The following ANK1 variants were observed in gnomAD, a reference collection of about 807,000 sequenced individuals.
The protein encoded by ANK1 is ankyrin-1.
In ANK1, 51 loss-of-function variants were observed where a neutral mutation model predicts 210.4. The ratio of observed to expected loss-of-function variants is 0.24; its 90% CI spans 0.19 to 0.31. ANK1 has a LOEUF of 0.31. Ranked by LOEUF, ANK1 falls within the 10% of genes least tolerant of loss-of-function variation. ANK1 has a pLI of 1.00. For synonymous variants in ANK1, 967 were observed against 1,025.9 expected, an observed-to-expected ratio of 0.94 and a Z score of 1.10; for missense variants, 2,051 against 2,504.4, an observed-to-expected ratio of 0.82 and a Z score of 3.86.
intron 1 of ANK1, among the ~76,000 whole-genome samples, chr8:41,834,347 A>T (rs561139681): frequency 2.0e-5 from 3 of 152,270 alleles, no homozygotes; most frequent in African/African-American, 7.2e-5. Context: ...AGGCAGGAGA[A>T]GATGAGCTTC....
intron 1 of ANK1, among the ~76,000 whole-genome samples, chr8:41,761,366 T>G (rs1840396375): frequency 1.9e-5 from 1 of 52,648 alleles, no homozygotes; most frequent in Admixed American, 2.8e-4. Flanking sequence ...TACAGAGACC[T>G]GTGTGCACAC....
At chr8:41,841,459 G>A (rs2150805072) in intron 1 of ANK1, among the ~76,000 whole-genome samples, 1 of 152,324 alleles carries the variant, frequency 6.6e-6, no homozygotes, top group South Asian at 2.1e-4. Context: ...GCTATCCACT[G>A]TACAACATGC....
chr8:41,664,190 G>A (rs1274987851), intron 39 of ANK1: 1 of 457,328 alleles, frequency 2.2e-6, no homozygotes, highest in Non-Finnish European at 4.4e-6. Flanking sequence ...CGATCCGGGT[G>A]CAATCCCATG....
At chr8:41,799,891 G>A (rs1211939537), upstream of ANK1, among the ~76,000 whole-genome samples, 1 of 152,142 alleles carries the variant, frequency 6.6e-6, no homozygotes, top group Non-Finnish European at 1.5e-5. Flanking sequence ...CGATGTGCTT[G>A]AGACCCTCAA....
rs747026701 is a variant in ANK1, at chr8:41,688,137, C to T, written c.4258+19G>A. ...GTGAGATGGACAAAGTGCTTTTCTG[C>T]CCCCAATTCCCCACTCACCTGCCCA... On this transcript the variant is annotated intron_variant, in intron 35 of 42. Transcript: ENST00000289734. 6 of 1,613,146 alleles carry T rather than the reference C, an allele frequency of 3.7e-6. No homozygotes were observed. The highest frequency in any genetic ancestry group is 2.7e-5 in the African/African-American group (2 of 74,912).
chr8:41,703,428 A>G (rs1168736245), intron 20 of ANK1, among the ~76,000 whole-genome samples: 188 of 58,116 alleles, frequency 3.2e-3, no homozygotes, highest in East Asian at 0.01. Flanking sequence ...GTGTGTATAT[A>G]TATATATATA....
intron 22 of ANK1, 138 bp downstream of exon 22, chr8:41,701,412 C>A: frequency 1.4e-6 from 1 of 726,494 alleles, no homozygotes; most frequent in South Asian, 1.6e-5. Context: ...AAAACCAGGT[C>A]TCCCCAGTTT....
intron 1 of ANK1, among the ~76,000 whole-genome samples, chr8:41,761,214 C>T (rs1402045836): frequency 6.6e-6 from 1 of 150,992 alleles, no homozygotes; most frequent in Non-Finnish European, 1.5e-5. Flanking sequence ...TTCACACACA[C>T]ACACACAGAT....
chr8:41,792,137 C>A (rs1847864864), intron 1 of ANK1, among the ~76,000 whole-genome samples: 1 of 152,324 alleles, frequency 6.6e-6, no homozygotes, highest in Non-Finnish European at 1.5e-5. Context: ...ATAAATCAGC[C>A]TCTGCTCAGA....
At position 41,658,071 on chromosome 8, in the gene ANK1, A is replaced by G. The variant is rs546696785; in HGVS notation, c.*37-2318T>C. ...TAATTTTTAAACTTTTTTTGTAGAG[A>G]CAGGGTCCTACCACATTGCCCAGGC... On this transcript the variant is annotated intron_variant, in intron 42 of 42. Transcript: ENST00000289734. 1.6e-4 allele frequency among the ~76,000 whole-genome samples: 24 copies of G among 152,178 alleles called. No individual in the cohort carries two copies. In the East Asian group the frequency reaches 4.3e-3, roughly 27 times the overall value.
chr8:41,665,444 G>C (rs1810171805), intron 39 of ANK1: 1 of 421,126 alleles, frequency 2.4e-6, no homozygotes, highest in African/African-American at 2.1e-5. Context: ...GCCCTGCCCA[G>C]AGACCTGGAA....
chr8:41,688,542 C>T lies in ANK1; in HGVS notation c.4152G>A (p.Leu1384=), dbSNP rs758794340. The T allele has an allele frequency of 1.2e-6, 2 of 1,614,210 alleles. No homozygotes were observed. Among genetic ancestry groups the T allele is most frequent in the South Asian group, 2.2e-5 (2 of 91,078 alleles). The part of the protein sequence containing the change: ...DRRRTPTPLA[L]RYSILSESTP... ...TGGACTCACTGAGAATGCTGTATCG[C>T]AGGGCCAGGGGCGTCGGGGTCCTTC... The change falls in exon 34 of 43, where the codon CTG becomes CTA. Residue 1384 remains leucine, a synonymous_variant. Coordinates refer to ENST00000289734, the MANE Select transcript of ANK1 (RefSeq NM_000037.4).
At position 41,797,568 on chromosome 8, in the gene ANK1, G is replaced by A. The variant is rs1300841221; in HGVS notation, c.-30C>T. On this transcript the variant is annotated 5_prime_UTR_variant, in exon 1 of 43. Coordinates refer to ENST00000289734, the MANE Select transcript of ANK1 (RefSeq NM_000037.4). This position sits in a 1 kb window ranked among gnomAD's most constrained non-coding sequence, Gnocchi z 4.0. ...GTCTTTCAGCAGGGGCCCGCCGAAG[G>A]GCCTTGGGGGCTTGAGGAGGAGCAG... The A allele has an allele frequency of 6.2e-7, 1 of 1,612,752 alleles. No individual in the cohort carries two copies.
At chr8:41,712,967 G>T (rs890177473) in intron 16 of ANK1, among the ~76,000 whole-genome samples, 1 of 152,216 alleles carries the variant, frequency 6.6e-6, no homozygotes, top group African/African-American at 2.4e-5. Context: ...ACTCACTGCA[G>T]CAGGGACAGG....
intron 2 of ANK1, among the ~76,000 whole-genome samples, chr8:41,753,956 T>G (rs1056697810): frequency 6.6e-6 from 1 of 152,142 alleles, no homozygotes; most frequent in African/African-American, 2.4e-5. Context: ...TTGCCTCTGC[T>G]CCTCCCTCAC....
At chr8:41,799,681 C>T (rs932561923), upstream of ANK1, among the ~76,000 whole-genome samples, 1 of 152,126 alleles carries the variant, frequency 6.6e-6, no homozygotes, top group East Asian at 1.9e-4. Context: ...TTGAGGCGGG[C>T]CAGCACAGCT....
chr8:41,657,912 T>C (rs1024570098), intron 42 of ANK1, among the ~76,000 whole-genome samples: 4 of 152,228 alleles, frequency 2.6e-5, no homozygotes, highest in African/African-American at 9.7e-5. Flanking sequence ...GACAGAGTCT[T>C]GCCCTGTTGC....
At chr8:41,769,970 C>CT (rs869176684) in intron 1 of ANK1, among the ~76,000 whole-genome samples, 45 of 94,670 alleles carry the variant, frequency 4.8e-4, no homozygotes, top group East Asian at 1.4e-3. Context: ...TTTTTTTTTT[C>CT]TTTTTTCTTT....
chr8:41,714,267 A>G lies in ANK1; in HGVS notation c.1702-13T>C. ...GGGTCAGGCCATTCTGCAGGGGACA[A>G]AGACAAAAGAGGCCGGCTGTCACTC... On this transcript the variant is annotated splice_polypyrimidine_tract_variant and intron_variant, in intron 15 of 42. Coordinates refer to ENST00000289734, the MANE Select transcript of ANK1 (RefSeq NM_000037.4). 1 of 1,550,250 alleles carries G rather than the reference A, an allele frequency of 6.5e-7. No individual in the cohort carries two copies. The highest frequency in any genetic ancestry group is 8.8e-7 in the Non-Finnish European group (1 of 1,140,624).
Sources: gnomAD v4.1 joint callset for allele counts (sites outside exome capture counted in the v4.1 genomes callset) on GRCh38, gnomAD v4.1.1 for gene constraint, Gnocchi (gnomAD v3.1) non-coding constraint, MANE v1.5 for transcripts, NCBI Gene and HGNC (gene_info 2026-07-23, HGNC 2026-07-21) for gene names.